The following TBC1D32 variants were observed in gnomAD, a reference collection of about 807,000 sequenced individuals.
TBC1D32 encodes the protein TBC1 domain family member 32.
TBC1D32 carries 151 observed loss-of-function variants against 170.3 expected under a neutral mutation model. That is an observed-to-expected ratio of 0.89 (90% CI 0.78 to 1.01). The LOEUF (loss-of-function observed/expected upper bound fraction) is 1.01, where lower values mean the gene tolerates loss of function less well. Ranked by LOEUF, TBC1D32 falls within the 50% of genes least tolerant of loss-of-function variation. TBC1D32 has a pLI of 0.00. For synonymous variants in TBC1D32, 498 were observed against 488.0 expected, an observed-to-expected ratio of 1.02 and a Z score of -0.27; for missense variants, 1,464 against 1,457.1, an observed-to-expected ratio of 1.00 and a Z score of -0.08.
At chr6:121,242,917 G>C (rs1361451099) in intron 17 of TBC1D32, among the ~76,000 whole-genome samples, 1 of 151,984 alleles carries the variant, frequency 6.6e-6, no homozygotes, top group East Asian at 1.9e-4. Flanking sequence ...GAGAATCAAT[G>C]CTTAGTCCAA....
At chr6:121,151,790 T>G (rs1045214430) in intron 24 of TBC1D32, among the ~76,000 whole-genome samples, 4 of 152,236 alleles carry the variant, frequency 2.6e-5, no homozygotes, top group Non-Finnish European at 5.9e-5. Flanking sequence ...TTTGTTGGTT[T>G]AAAGTCTGTT....
intron 9 of TBC1D32, among the ~76,000 whole-genome samples, chr6:121,300,317 T>C (rs117946135): frequency 0.067 from 10,111 of 151,888 alleles, 626 homozygotes; most frequent in Admixed American, 0.21. Context: ...AGTGGTGGCA[T>C]GCATCTGTAG....
intron 15 of TBC1D32, among the ~76,000 whole-genome samples, chr6:121,277,909 A>G (rs933834538): frequency 5.3e-5 from 8 of 152,028 alleles, no homozygotes; most frequent in Non-Finnish European, 1.2e-4. Context: ...CAAATTACTA[A>G]CATCAGAAGT....
chr6:121,089,215 T>C (rs1776558819), intron 31 of TBC1D32, among the ~76,000 whole-genome samples: 1 of 152,180 alleles, frequency 6.6e-6, no homozygotes, highest in Admixed American at 6.5e-5. Context: ...GTTTGATATA[T>C]TGTTGAAAAT....
intron 17 of TBC1D32, among the ~76,000 whole-genome samples, chr6:121,245,397 G>A (rs1397356327): frequency 6.6e-6 from 1 of 152,164 alleles, no homozygotes; most frequent in Non-Finnish European, 1.5e-5. Context: ...CCCATTCTTA[G>A]AGTAAGGAGG....
Position 121,126,513 on chromosome 6 carries a change from A to T in TBC1D32, c.2900-52T>A, listed in dbSNP as rs775832369. The stretch of plus-strand genomic sequence containing the variant: ...ATATTAAAGGTCAGAATAATATGTG[A>T]CAATGCATCCTTAAATCACAGAACT... On this transcript the variant is annotated intron_variant, in intron 25 of 31. Transcript: ENST00000398212. The T allele has an allele frequency of 6.1e-6, 8 of 1,307,640 alleles. No homozygotes were observed. The South Asian group carries it at 8.7e-5, about 14-fold the overall frequency. 81.0% of individuals were successfully genotyped at this position (1,307,640 alleles called of 1,614,324 possible).
chr6:121,171,619 C>T (rs1787017668), intron 22 of TBC1D32, among the ~76,000 whole-genome samples: 4 of 151,746 alleles, frequency 2.6e-5, no homozygotes, highest in Admixed American at 2.0e-4. Flanking sequence ...AACATGATTA[C>T]ATATTAAAAC....
intron 22 of TBC1D32, among the ~76,000 whole-genome samples, chr6:121,204,453 G>A (rs970875456): frequency 1.3e-5 from 2 of 151,042 alleles, no homozygotes; most frequent in Non-Finnish European, 2.9e-5. Flanking sequence ...CTATGAAAAT[G>A]GAAAATTTCC....
intron 15 of TBC1D32, among the ~76,000 whole-genome samples, chr6:121,273,496 T>TG (rs35633255): frequency 0.12 from 17,493 of 149,312 alleles, 1,449 homozygotes; most frequent in Admixed American, 0.23. Context: ...GTCGTGGGGT[T>TG]GGGGGGGTTA....
chr6:121,213,946 A>G lies in TBC1D32; in HGVS notation c.2482-8783T>C, dbSNP rs114404942. ...TGGTACAAAAATAGACACACAAACCAATGGAAAAGAATAGAAAGCCCAGCA... is the reference window on the plus strand; with the variant it reads ...TGGTACAAAAATAGACACACAAACCGATGGAAAAGAATAGAAAGCCCAGCA... On this transcript the variant is annotated intron_variant, in intron 21 of 31. Transcript: ENST00000398212. Among the ~76,000 whole-genome samples, 374 of 152,306 alleles carry G rather than the reference A, an allele frequency of 2.5e-3. 1 individual carries two copies. The highest frequency in any genetic ancestry group is 8.4e-3 in the African/African-American group (350 of 41,550).
chr6:121,317,090 A>G (rs1809041166), intron 3 of TBC1D32, among the ~76,000 whole-genome samples: 1 of 152,182 alleles, frequency 6.6e-6, no homozygotes, highest in Admixed American at 6.5e-5. Context: ...TTTAAAACTA[A>G]CAATTCACAA....
chr6:121,208,729 G>GAAAAAAAAAAAAAAAAA (rs57771111), intron 21 of TBC1D32, among the ~76,000 whole-genome samples: 1 of 86,896 alleles, frequency 1.2e-5, no homozygotes, highest in Admixed American at 1.5e-4. Context: ...GAAACACCTG[G>GAAAAAAAAAAAAAAAAA]AAAAAAAAAA....
intron 20 of TBC1D32, among the ~76,000 whole-genome samples, chr6:121,227,983 T>C (rs940106236): frequency 1.1e-4 from 17 of 152,096 alleles, no homozygotes; most frequent in African/African-American, 4.1e-4. Context: ...TGCATACCTA[T>C]TTTTTTAATT....
chr6:121,318,738 T>TAC (rs1245328703), intron 2 of TBC1D32, among the ~76,000 whole-genome samples: 1 of 150,748 alleles, frequency 6.6e-6, no homozygotes, highest in Non-Finnish European at 1.5e-5. Flanking sequence ...TATATATATA[T>TAC]ACACATATAT....
chr6:121,280,695 A>T (rs767803106), intron 14 of TBC1D32, among the ~76,000 whole-genome samples: 1 of 151,096 alleles, frequency 6.6e-6, no homozygotes, highest in Non-Finnish European at 1.5e-5. Context: ...AGTGCAAACT[A>T]TCTATTATAA....
chr6:121,182,096 A>G (rs763613061), intron 22 of TBC1D32, among the ~76,000 whole-genome samples: 5 of 152,122 alleles, frequency 3.3e-5, no homozygotes, highest in Non-Finnish European at 5.9e-5. Flanking sequence ...ATGACTAGGT[A>G]GTAAAATATA....
intron 24 of TBC1D32, among the ~76,000 whole-genome samples, chr6:121,154,039 C>CAAAAAA (rs71018115): frequency 3.1e-5 from 4 of 129,716 alleles, no homozygotes; most frequent in African/African-American, 9.0e-5. Flanking sequence ...CACTAGGGTA[C>CAAAAAA]AAAAAAAAAA....
intron 31 of TBC1D32, among the ~76,000 whole-genome samples, chr6:121,088,735 T>C (rs1037938941): frequency 3.3e-5 from 5 of 151,898 alleles, no homozygotes; most frequent in Admixed American, 3.3e-4. Context: ...ACAACAAGGG[T>C]AAAAAGTAAG....
At chr6:121,213,529 A>T (rs868031209) in intron 21 of TBC1D32, among the ~76,000 whole-genome samples, 11 of 110,134 alleles carry the variant, frequency 1.0e-4, no homozygotes, top group African/African-American at 4.5e-4. Context: ...TAAAATAAAT[A>T]AAATAAAATA....
Sources: gnomAD v4.1 joint callset for allele counts (sites outside exome capture counted in the v4.1 genomes callset) on GRCh38, gnomAD v4.1.1 for gene constraint, MANE v1.5 for transcripts, NCBI Gene and HGNC (gene_info 2026-07-23, HGNC 2026-07-21) for gene names.